Variants in UBE3D observed in about 807,000 individuals in gnomAD.
The protein encoded by UBE3D is E3 ubiquitin-protein ligase E3D.
UBE3D carries 48 observed loss-of-function variants against 49.6 expected under a neutral mutation model. The ratio of observed to expected loss-of-function variants is 0.97; its 90% CI spans 0.77 to 1.23. The LOEUF (loss-of-function observed/expected upper bound fraction) is 1.23, where lower values mean the gene tolerates loss of function less well. Ranked by LOEUF, UBE3D falls within the 50% of genes most tolerant of loss-of-function variation. The pLI is 0.00. For synonymous variants in UBE3D, 189 were observed against 174.2 expected, an observed-to-expected ratio of 1.08 and a Z score of -0.67; for missense variants, 452 against 468.4, an observed-to-expected ratio of 0.96 and a Z score of 0.32.
At chr6:83,018,005 G>A (rs954762346) in intron 8 of UBE3D, 3 of 152,132 alleles carry the variant, frequency 2.0e-5, no homozygotes, top group Admixed American at 6.5e-5. Flanking sequence ...AAAGGAAGTG[G>A]AAGAGTAGAC....
intron 9 of UBE3D, among the ~76,000 whole-genome samples, chr6:82,929,700 C>T (rs375930315): frequency 6.6e-6 from 1 of 151,924 alleles, no homozygotes; most frequent in Non-Finnish European, 1.5e-5. Flanking sequence ...CTTCTTTTTG[C>T]TTTTTTTCTT....
chr6:82,983,250 C>T (rs1184158534), intron 8 of UBE3D, among the ~76,000 whole-genome samples: 1 of 150,930 alleles, frequency 6.6e-6, no homozygotes, highest in Non-Finnish European at 1.5e-5. Flanking sequence ...CTTATTGATG[C>T]TCAAATTTAC....
At chr6:82,886,005 C>T in the UBE3D span, among the ~76,000 whole-genome samples, 2 of 152,212 alleles carry the variant, frequency 1.3e-5, no homozygotes, top group Non-Finnish European at 2.9e-5. Flanking sequence ...TCCACACCAG[C>T]AGTTTGATAT....
chr6:82,987,464 T>G (rs1778602179), intron 8 of UBE3D, among the ~76,000 whole-genome samples: 1 of 152,216 alleles, frequency 6.6e-6, no homozygotes, highest in Admixed American at 6.5e-5. Flanking sequence ...TCTATTTCCA[T>G]TAGCTACTAT....
At chr6:83,029,439 C>T (rs1203741439) in intron 5 of UBE3D, among the ~76,000 whole-genome samples, 1 of 152,044 alleles carries the variant, frequency 6.6e-6, no homozygotes, top group Non-Finnish European at 1.5e-5. Context: ...TCTAGAATTA[C>T]CAAATTATTT....
intron 9 of UBE3D, among the ~76,000 whole-genome samples, chr6:82,917,941 G>C (rs1440037946): frequency 3.9e-5 from 6 of 152,232 alleles, no homozygotes; most frequent in African/African-American, 1.2e-4. Flanking sequence ...GGACCAGCCT[G>C]CTCCTTTCTT....
At chr6:82,931,856 G>A (rs1198376491) in intron 9 of UBE3D, among the ~76,000 whole-genome samples, 1 of 152,140 alleles carries the variant, frequency 6.6e-6, no homozygotes, top group East Asian at 1.9e-4. Context: ...GGGCCGGGGT[G>A]AAAAGATATA....
At chr6:83,058,328 T>C (rs1002269148) in intron 1 of UBE3D, among the ~76,000 whole-genome samples, 1 of 152,206 alleles carries the variant, frequency 6.6e-6, no homozygotes, top group Non-Finnish European at 1.5e-5. Flanking sequence ...TGTTATTTCA[T>C]ATACAAGATT....
chr6:83,012,672 C>T (rs548218647), intron 8 of UBE3D, among the ~76,000 whole-genome samples: 30 of 152,358 alleles, frequency 2.0e-4, no homozygotes, highest in South Asian at 1.0e-3. Flanking sequence ...CCACATACCT[C>T]ATCCCCTAAT....
intron 9 of UBE3D, among the ~76,000 whole-genome samples, chr6:82,917,571 A>G (rs943057933): frequency 6.6e-6 from 1 of 152,022 alleles, no homozygotes; most frequent in African/African-American, 2.4e-5. Context: ...CCACTATGAG[A>G]CCTCCCTGGG....
chr6:83,031,523 A>C (rs1461079144), intron 5 of UBE3D, among the ~76,000 whole-genome samples: 1 of 152,236 alleles, frequency 6.6e-6, no homozygotes, highest in Non-Finnish European at 1.5e-5. Context: ...TCTGGCTGTG[A>C]GACATGAAGT....
chr6:82,997,244 C>A (rs1779304758), intron 8 of UBE3D, among the ~76,000 whole-genome samples: 4 of 151,912 alleles, frequency 2.6e-5, no homozygotes, highest in South Asian at 4.2e-4. Context: ...GTCTTCACTG[C>A]AGAATTGTAT....
At chr6:83,031,231 A>G (rs1321154722) in intron 5 of UBE3D, among the ~76,000 whole-genome samples, 1 of 151,840 alleles carries the variant, frequency 6.6e-6, no homozygotes, top group Non-Finnish European at 1.5e-5. Flanking sequence ...CTGGTCTTGA[A>G]CTCCTGACGT....
chr6:82,996,592 G>T (rs919755380), intron 8 of UBE3D, among the ~76,000 whole-genome samples: 3 of 152,122 alleles, frequency 2.0e-5, no homozygotes, highest in Non-Finnish European at 4.4e-5. Flanking sequence ...GGGAAAAAGA[G>T]TAGCTTGGTG....
intron 3 of UBE3D, among the ~76,000 whole-genome samples, chr6:83,047,496 C>T (rs1190170668): frequency 1.3e-5 from 2 of 152,186 alleles, no homozygotes; most frequent in African/African-American, 2.4e-5. Context: ...AGGCTTTGTA[C>T]CTGGAACTAC....
chr6:83,054,054 A>G, intron 3 of UBE3D, 94 bp downstream of exon 3: 1 of 1,050,574 alleles, frequency 9.5e-7, no homozygotes, highest in South Asian at 1.3e-5. Flanking sequence ...AAGGCCATAT[A>G]CTACTCCATT....
intron 8 of UBE3D, among the ~76,000 whole-genome samples, chr6:83,007,924 G>A (rs1209994343): frequency 6.6e-6 from 1 of 150,780 alleles, no homozygotes; most frequent in Non-Finnish European, 1.5e-5. Context: ...CAGCCTGGGT[G>A]ACAAAGTGAG....
At chr6:82,982,656 A>C (rs1184218091) in intron 8 of UBE3D, among the ~76,000 whole-genome samples, 1 of 152,190 alleles carries the variant, frequency 6.6e-6, no homozygotes, top group Admixed American at 6.5e-5. Flanking sequence ...ACTACTTTAT[A>C]GGTGGGGTTA....
intron 5 of UBE3D, among the ~76,000 whole-genome samples, chr6:83,029,733 T>C (rs1781733798): frequency 6.6e-6 from 1 of 152,212 alleles, no homozygotes; most frequent in African/African-American, 2.4e-5. Context: ...TGTTGGTTAT[T>C]GGTTGGGATA....
Sources: allele counts gnomAD v4.1 joint callset (sites outside exome capture counted in the v4.1 genomes callset), GRCh38; gene constraint gnomAD v4.1.1; transcripts MANE v1.5; gene names NCBI Gene and HGNC (gene_info 2026-07-23, HGNC 2026-07-21).